MFHAS1: variants seen among roughly 807,000 people sequenced by gnomAD.
The protein encoded by MFHAS1 is malignant fibrous histiocytoma-amplified sequence 1.
In MFHAS1, 50 loss-of-function variants were observed where a neutral mutation model predicts 70.4. That is an observed-to-expected ratio of 0.71 (90% CI 0.57 to 0.90). MFHAS1 has a LOEUF of 0.90. Ranked by LOEUF, MFHAS1 falls within the 40% of genes least tolerant of loss-of-function variation. The pLI is 0.00. For missense variants in MFHAS1, 1,795 were observed against 1,347.6 expected (o/e 1.33, Z -5.20); for synonymous variants, 952 against 620.0 (o/e 1.54, Z -7.96).
At chr8:8,809,902 G>A (rs1342654937) in intron 1 of MFHAS1, among the ~76,000 whole-genome samples, 1 of 152,312 alleles carries the variant, frequency 6.6e-6, no homozygotes, top group East Asian at 1.9e-4. Flanking sequence ...TACTGCAGAC[G>A]GCATAAAAGC....
intron 1 of MFHAS1, among the ~76,000 whole-genome samples, chr8:8,844,779 A>G (rs60276906): frequency 0.025 from 3,780 of 152,260 alleles, 151 homozygotes; most frequent in African/African-American, 0.086. Flanking sequence ...CAACTCCTAG[A>G]GAGGAGGGGT....
At chr8:8,799,287 A>G (rs1806007647) in intron 1 of MFHAS1, among the ~76,000 whole-genome samples, 1 of 152,216 alleles carries the variant, frequency 6.6e-6, no homozygotes, top group Non-Finnish European at 1.5e-5. Flanking sequence ...AATATACTGT[A>G]TTAATAATTA....
intron 1 of MFHAS1, among the ~76,000 whole-genome samples, chr8:8,856,286 C>T (rs918145558): frequency 2.0e-5 from 3 of 152,188 alleles, no homozygotes; most frequent in Non-Finnish European, 2.9e-5. Context: ...AGATCTGTCC[C>T]GAGCTCACTC....
intron 1 of MFHAS1, among the ~76,000 whole-genome samples, chr8:8,867,137 G>C (rs1249950623): frequency 6.6e-6 from 1 of 152,122 alleles, no homozygotes; most frequent in East Asian, 1.9e-4. Context: ...AAGGAAACAA[G>C]ATAATAAAGG....
intron 1 of MFHAS1, among the ~76,000 whole-genome samples, chr8:8,833,142 C>G (rs1585041767): frequency 6.6e-6 from 1 of 152,116 alleles, no homozygotes; most frequent in Admixed American, 6.5e-5. Flanking sequence ...AATTCACCAT[C>G]GTGACAACAC....
rs188803600 is a variant in MFHAS1 at position 8,873,286 on chromosome 8, G to A, written c.2998+16775C>T. On this transcript the variant is annotated intron_variant, in intron 1 of 2. Coordinates refer to ENST00000276282, the MANE Select transcript of MFHAS1 (RefSeq NM_004225.3). ...AGGGAAAATGTGACCAGCTCTGTTCGGCCATACTGTCTGCATTGACTTGGC... is the reference window on the plus strand; with the variant it reads ...AGGGAAAATGTGACCAGCTCTGTTCAGCCATACTGTCTGCATTGACTTGGC... Among the ~76,000 whole-genome samples the A allele has an allele frequency of 1.0e-3, 159 of 152,078 alleles. 1 individual carries two copies. Among genetic ancestry groups the A allele is most frequent in the South Asian group, 6.2e-4 (3 of 4,810 alleles).
intron 1 of MFHAS1, 135 bp from the exon 2 acceptor site, chr8:8,797,626 A>G (rs972719451): frequency 4.7e-5 from 47 of 1,002,602 alleles, no homozygotes; most frequent in Admixed American, 8.5e-5. Context: ...GTGAGAACAA[A>G]TGTGCAACCA....
intron 1 of MFHAS1, among the ~76,000 whole-genome samples, chr8:8,851,063 C>T (rs1230719539): frequency 6.6e-6 from 1 of 152,156 alleles, no homozygotes; most frequent in Non-Finnish European, 1.5e-5. Flanking sequence ...TACATAGGGT[C>T]ACGTATATAA....
intron 1 of MFHAS1, among the ~76,000 whole-genome samples, chr8:8,848,425 A>G (rs937984104): frequency 6.6e-6 from 1 of 151,716 alleles, no homozygotes; most frequent in East Asian, 1.9e-4. Flanking sequence ...AAGCCATGCC[A>G]TCCCACTTCA....
At chr8:8,840,316 G>A (rs891488973) in intron 1 of MFHAS1, among the ~76,000 whole-genome samples, 9 of 152,108 alleles carry the variant, frequency 5.9e-5, no homozygotes, top group African/African-American at 2.2e-4. Flanking sequence ...AATTAGCCAG[G>A]TATGGTGGCA....
intron 1 of MFHAS1, among the ~76,000 whole-genome samples, chr8:8,802,310 G>A (rs763753448): frequency 6.6e-6 from 1 of 152,182 alleles, no homozygotes; most frequent in Non-Finnish European, 1.5e-5. Context: ...CAGATATCCT[G>A]TGTCAAGGAT....
chr8:8,827,536 C>T (rs1221367680), intron 1 of MFHAS1, among the ~76,000 whole-genome samples: 1 of 152,230 alleles, frequency 6.6e-6, no homozygotes, highest in South Asian at 2.1e-4. Flanking sequence ...TTCACAAGCT[C>T]ACTTCTAGCA....
chr8:8,844,020 T>C (rs1370607148), intron 1 of MFHAS1, among the ~76,000 whole-genome samples: 2 of 152,218 alleles, frequency 1.3e-5, no homozygotes, highest in East Asian at 3.8e-4. Flanking sequence ...CCTACATGGG[T>C]GTCATGCTGA....
intron 1 of MFHAS1, among the ~76,000 whole-genome samples, chr8:8,855,624 G>A (rs1264643043): frequency 6.6e-6 from 1 of 152,196 alleles, no homozygotes; most frequent in African/African-American, 2.4e-5. Flanking sequence ...GGTAGGCCGA[G>A]GCGGGTGGAT....
Position 8,891,366 on chromosome 8 carries a change from C to T in MFHAS1, c.1693G>A (p.Asp565Asn). ...GCCAAGCGGCTCAGTCCCTCCGCGT[C>T]GTGCTTCTCCTGCAGGGCGATCTGG... ...HRQIALQEKH[D>N]AEGLSRLAKV... Residue 565 changes from aspartate (D) to asparagine (N), a missense_variant, in exon 1 of 3, where the codon GAC (aspartate) becomes AAC (asparagine). Asp to Asn is a conservative substitution (Grantham distance 23, BLOSUM62 1). Coordinates refer to ENST00000276282, the MANE Select transcript of MFHAS1 (RefSeq NM_004225.3). The surrounding 1 kb of genome is among the most constrained non-coding windows in gnomAD (Gnocchi z 5.4). The T allele has an allele frequency of 3.7e-6, 6 of 1,611,368 alleles. No homozygotes were observed. Among genetic ancestry groups the T allele is most frequent in the South Asian group, 1.1e-5 (1 of 91,088 alleles).
At chr8:8,864,282 T>G (rs1808777691) in intron 1 of MFHAS1, among the ~76,000 whole-genome samples, 1 of 152,218 alleles carries the variant, frequency 6.6e-6, no homozygotes, top group African/African-American at 2.4e-5. Context: ...TCTGCCCCTA[T>G]GCTCAACCAA....
chr8:8,884,166 G>A (rs1017332177), intron 1 of MFHAS1, among the ~76,000 whole-genome samples: 21 of 151,782 alleles, frequency 1.4e-4, no homozygotes, highest in African/African-American at 4.8e-4. Flanking sequence ...TCTATTCCAG[G>A]GTTTAAAGAA....
At chr8:8,870,175 A>G (rs1809021038) in intron 1 of MFHAS1, among the ~76,000 whole-genome samples, 1 of 151,836 alleles carries the variant, frequency 6.6e-6, no homozygotes, top group Non-Finnish European at 1.5e-5. Flanking sequence ...TTTACACGGG[A>G]TATGTACAGT....
intron 1 of MFHAS1, among the ~76,000 whole-genome samples, chr8:8,837,137 T>C (rs1331210510): frequency 6.6e-6 from 1 of 152,220 alleles, no homozygotes; most frequent in African/African-American, 2.4e-5. Context: ...CTATTCTAAA[T>C]ATGTAATTAG....
Sources: allele counts gnomAD v4.1 joint callset (sites outside exome capture counted in the v4.1 genomes callset), GRCh38; gene constraint gnomAD v4.1.1; non-coding constraint Gnocchi (gnomAD v3.1); transcripts MANE v1.5; gene names NCBI Gene and HGNC (gene_info 2026-07-23, HGNC 2026-07-21).